Variants in KCNAB1 observed in about 807,000 individuals in gnomAD.
KCNAB1 encodes potassium voltage-gated channel subfamily A regulatory beta subunit 1, also known as voltage-gated potassium channel subunit beta-1.
Under a neutral mutation model 64.6 loss-of-function variants are expected in KCNAB1, and 35 were observed. That is an observed-to-expected ratio of 0.54 (90% CI 0.41 to 0.72). The LOEUF (loss-of-function observed/expected upper bound fraction) is 0.72, where lower values mean the gene tolerates loss of function less well. Ranked by LOEUF, KCNAB1 falls within the 30% of genes least tolerant of loss-of-function variation. The pLI, the probability that KCNAB1 is intolerant of heterozygous loss-of-function variation, is 0.00. For synonymous variants in KCNAB1, 177 were observed against 183.8 expected (o/e 0.96, Z 0.30); for missense variants, 401 against 512.9 (o/e 0.78, Z 2.11).
chr3:156,167,342 G>A lies in KCNAB1; in HGVS notation c.275+46456G>A, dbSNP rs529171791. On this transcript the variant is annotated intron_variant, in intron 1 of 13. Coordinates refer to ENST00000490337, the MANE Select transcript of KCNAB1 (RefSeq NM_172160.3). Reference sequence around the variant, plus strand: ...AGGAGGAGATTCCATCTACAGTTATGAGGCATGAGCTGGTCCCCAAGCCAC... The same window carrying A: ...AGGAGGAGATTCCATCTACAGTTATAAGGCATGAGCTGGTCCCCAAGCCAC... Among the ~76,000 whole-genome samples the A allele has an allele frequency of 2.0e-3, 303 of 152,282 alleles. 1 individual carries two copies. Among genetic ancestry groups the A allele is most frequent in the African/African-American group, 7.0e-3 (289 of 41,552 alleles).
At chr3:156,126,388 G>T (rs1713656580) in intron 1 of KCNAB1, among the ~76,000 whole-genome samples, 1 of 152,130 alleles carries the variant, frequency 6.6e-6, no homozygotes, top group African/African-American at 2.4e-5. Context: ...AGTAGAGTCT[G>T]GGGGGAAATT....
At chr3:156,287,931 A>G (rs567338340) in intron 1 of KCNAB1, among the ~76,000 whole-genome samples, 1 of 152,368 alleles carries the variant, frequency 6.6e-6, no homozygotes, top group East Asian at 1.9e-4. Flanking sequence ...CTTGCAAGCA[A>G]TGATATAAGA....
At chr3:156,471,322 T>C (rs1465277977) in intron 7 of KCNAB1, among the ~76,000 whole-genome samples, 1 of 152,252 alleles carries the variant, frequency 6.6e-6, no homozygotes, top group Non-Finnish European at 1.5e-5. Flanking sequence ...TGGTTCTTGT[T>C]AAACTTTGGA....
intron 1 of KCNAB1, among the ~76,000 whole-genome samples, chr3:156,311,409 CAG>C (rs1307102495): frequency 2.0e-5 from 3 of 152,102 alleles, no homozygotes; most frequent in African/African-American, 7.2e-5. Flanking sequence ...GAATTTTGAC[CAG>C]AGAGTTATCA....
At chr3:156,484,812 A>T (rs1033905741) in intron 8 of KCNAB1, among the ~76,000 whole-genome samples, 1 of 151,874 alleles carries the variant, frequency 6.6e-6, no homozygotes, top group Non-Finnish European at 1.5e-5. Flanking sequence ...TAATAATGAG[A>T]GTAAGTGGTT....
rs140449086 is a variant in KCNAB1 at position 156,208,916 on chromosome 3, G to A, written c.275+88030G>A. ...CAGTTATGGGATAGTTATTTCAGGTGTATAGTTCTCAAGAATACATAATAA... is the reference window on the plus strand; with the variant it reads ...CAGTTATGGGATAGTTATTTCAGGTATATAGTTCTCAAGAATACATAATAA... On this transcript the variant is annotated intron_variant, in intron 1 of 13. Transcript: ENST00000490337. Among the ~76,000 whole-genome samples, 424 of 152,306 alleles carry A rather than the reference G, an allele frequency of 2.8e-3. 4 individuals are homozygous for A. Among genetic ancestry groups the A allele is most frequent in the African/African-American group, 9.4e-3 (392 of 41,554 alleles).
At chr3:156,438,613 G>A (rs1181765918) in intron 2 of KCNAB1, among the ~76,000 whole-genome samples, 2 of 152,152 alleles carry the variant, frequency 1.3e-5, no homozygotes, top group Non-Finnish European at 2.9e-5. Context: ...GAGATAATAA[G>A]GAAAGTAGCA....
At chr3:156,337,918 G>C (rs1243924864) in intron 1 of KCNAB1, among the ~76,000 whole-genome samples, 1 of 152,132 alleles carries the variant, frequency 6.6e-6, no homozygotes, top group Non-Finnish European at 1.5e-5. Context: ...CTATTTCTCT[G>C]TTCCAAACAC....
chr3:156,311,741 G>A (rs1721919095), intron 1 of KCNAB1, among the ~76,000 whole-genome samples: 1 of 152,206 alleles, frequency 6.6e-6, no homozygotes, highest in Non-Finnish European at 1.5e-5. Flanking sequence ...AAGCAAAGGT[G>A]CTCCTTAGGA....
chr3:156,320,697 T>A (rs1476592235), intron 1 of KCNAB1, among the ~76,000 whole-genome samples: 4 of 152,146 alleles, frequency 2.6e-5, no homozygotes, highest in Non-Finnish European at 4.4e-5. Context: ...CTGTCCTTAT[T>A]GCTCTGGGCT....
chr3:156,406,007 G>A (rs927238985), intron 1 of KCNAB1, among the ~76,000 whole-genome samples: 3 of 152,078 alleles, frequency 2.0e-5, no homozygotes, highest in Non-Finnish European at 4.4e-5. Context: ...TTAGTATCTT[G>A]GTGAGAGTTA....
intron 1 of KCNAB1, among the ~76,000 whole-genome samples, chr3:156,207,476 A>G (rs995280906): frequency 6.6e-6 from 1 of 152,114 alleles, no homozygotes; most frequent in Admixed American, 6.5e-5. Flanking sequence ...CAATTCTTCT[A>G]CACCTTTGCA....
chr3:156,525,313 C>CT (rs1285058109), intron 12 of KCNAB1, among the ~76,000 whole-genome samples: 2 of 151,614 alleles, frequency 1.3e-5, no homozygotes, highest in Admixed American at 6.6e-5. Flanking sequence ...AGTGATGGTC[C>CT]TGACCCTGTG....
At chr3:156,170,442 T>C (rs1043035352) in intron 1 of KCNAB1, among the ~76,000 whole-genome samples, 1 of 152,100 alleles carries the variant, frequency 6.6e-6, no homozygotes, top group African/African-American at 2.4e-5. Flanking sequence ...TACTTGCAAA[T>C]TGCCAAGTCC....
chr3:156,416,740 T>C (rs1266546173), intron 1 of KCNAB1, among the ~76,000 whole-genome samples: 1 of 152,242 alleles, frequency 6.6e-6, no homozygotes, highest in African/African-American at 2.4e-5. Flanking sequence ...TTGGTACATC[T>C]TCTTTGACCT....
At chr3:156,191,650 T>C (rs1713570591) in intron 1 of KCNAB1, among the ~76,000 whole-genome samples, 1 of 152,240 alleles carries the variant, frequency 6.6e-6, no homozygotes, top group African/African-American at 2.4e-5. Context: ...AGGGCAATAC[T>C]TAAACCACAT....
chr3:156,426,768 A>G (rs988078741), intron 2 of KCNAB1, among the ~76,000 whole-genome samples: 2 of 152,224 alleles, frequency 1.3e-5, no homozygotes, highest in Non-Finnish European at 2.9e-5. Flanking sequence ...TTAGTAATAT[A>G]CATTTAAGTT....
intron 1 of KCNAB1, among the ~76,000 whole-genome samples, chr3:156,304,077 C>T (rs1721328370): frequency 6.6e-6 from 1 of 152,146 alleles, no homozygotes; most frequent in African/African-American, 2.4e-5. Context: ...TTTGGCCTTA[C>T]TTTAATAATG....
intron 1 of KCNAB1, among the ~76,000 whole-genome samples, chr3:156,379,127 A>T (rs1711955389): frequency 6.6e-6 from 1 of 152,234 alleles, no homozygotes; most frequent in African/African-American, 2.4e-5. Flanking sequence ...TGAGCATTGC[A>T]TGGCAGCAGC....
Sources: allele counts gnomAD v4.1 joint callset (sites outside exome capture counted in the v4.1 genomes callset), GRCh38; gene constraint gnomAD v4.1.1; transcripts MANE v1.5; gene names NCBI Gene and HGNC (gene_info 2026-07-23, HGNC 2026-07-21).